The following MTMR3 variants were observed in gnomAD, a reference collection of about 807,000 sequenced individuals.
The protein encoded by MTMR3 is phosphatidylinositol-3,5-bisphosphate 3-phosphatase MTMR3.
A neutral mutation model predicts 132.4 loss-of-function variants in MTMR3; 32 were observed. The observed-to-expected ratio is 0.24, with a 90% confidence interval of 0.18 to 0.32. MTMR3 has a LOEUF of 0.32. MTMR3 is among the 10% of genes least tolerant of loss of function. The pLI is 1.00. For missense variants in MTMR3, 1,216 were observed against 1,489.6 expected, an observed-to-expected ratio of 0.82 and a Z score of 3.02; for synonymous variants, 556 against 550.3, an observed-to-expected ratio of 1.01 and a Z score of -0.14.
intron 1 of MTMR3, among the ~76,000 whole-genome samples, chr22:29,936,369 C>T (rs1390430577): frequency 6.6e-6 from 1 of 152,042 alleles, no homozygotes; most frequent in Non-Finnish European, 1.5e-5. Flanking sequence ...CTTCCTTGTT[C>T]TTATATTTGC....
At chr22:29,922,369 A>G (rs952383025) in intron 1 of MTMR3, among the ~76,000 whole-genome samples, 2 of 152,014 alleles carry the variant, frequency 1.3e-5, no homozygotes, top group Non-Finnish European at 2.9e-5. Context: ...TGTAGACTCT[A>G]CATTTTGTTT....
At chr22:29,943,754 T>G (rs1278799254) in intron 1 of MTMR3, among the ~76,000 whole-genome samples, 1 of 152,010 alleles carries the variant, frequency 6.6e-6, no homozygotes, top group Non-Finnish European at 1.5e-5. Flanking sequence ...AGTTTAGGCA[T>G]TTTGCTTCCC....
At chr22:29,955,870 G>A (rs1443389078) in intron 1 of MTMR3, among the ~76,000 whole-genome samples, 2 of 152,094 alleles carry the variant, frequency 1.3e-5, no homozygotes, top group Non-Finnish European at 2.9e-5. Context: ...TTGTGCCTCA[G>A]CCTCCTGAGT....
Position 30,026,309 on chromosome 22 carries a change from G to A in MTMR3, c.*508G>A. ...GAGGCTGGAAGCATATTCCCCAAGA[G>A]CACTGCCCTGGGCATCATCTCCCTC... On this transcript the variant is annotated 3_prime_UTR_variant, in exon 20 of 20. Coordinates refer to ENST00000401950, the MANE Select transcript of MTMR3 (RefSeq NM_021090.4). 6.3e-6 allele frequency: 1 copy of A among 158,880 alleles called. No homozygotes were observed. Among genetic ancestry groups the A allele is most frequent in the Non-Finnish European group, 1.4e-5 (1 of 71,646 alleles). The allele number at this position is 158,880 out of a possible 1,614,324, so 9.8% of individuals were successfully genotyped here.
At chr22:29,958,569 G>A (rs1313170044) in intron 2 of MTMR3, among the ~76,000 whole-genome samples, 1 of 151,932 alleles carries the variant, frequency 6.6e-6, no homozygotes, top group Non-Finnish European at 1.5e-5. Flanking sequence ...CTCCCCTCTT[G>A]TCTCAGTGGC....
chr22:29,910,998 A>G (rs965605244), intron 1 of MTMR3, among the ~76,000 whole-genome samples: 2 of 152,210 alleles, frequency 1.3e-5, no homozygotes. Context: ...TCTGCGTCCA[A>G]CACTTAATTA....
At chr22:29,947,975 T>C (rs964908879) in intron 1 of MTMR3, among the ~76,000 whole-genome samples, 2 of 152,094 alleles carry the variant, frequency 1.3e-5, no homozygotes, top group African/African-American at 2.4e-5. Context: ...AGAGCCTGCA[T>C]TGTGGTGTGT....
At chr22:29,968,200 C>T (rs1320277762) in intron 2 of MTMR3, among the ~76,000 whole-genome samples, 1 of 152,160 alleles carries the variant, frequency 6.6e-6, no homozygotes, top group East Asian at 1.9e-4. Flanking sequence ...TACATTCCTG[C>T]CGGCAGTGTA....
In MTMR3 at chr22:29,986,506, T is replaced by G. The variant is rs367785035; in HGVS notation, c.211-1974T>G. On this transcript the variant is annotated intron_variant, in intron 5 of 19. Transcript: ENST00000401950. The stretch of plus-strand genomic sequence containing the variant: ...TGATAAATTGTAGGTTTGTTTGTTT[T>G]TTTTTTTCCTTCTTAGATGCACAGG... 6.8e-4 allele frequency: 580 copies of G among 851,752 alleles called. 1 individual carries two copies. Among genetic ancestry groups the G allele is most frequent in the African/African-American group, 5.8e-3 (311 of 54,024 alleles). 52.8% of individuals were successfully genotyped at this position (851,752 alleles called of 1,614,324 possible). A position where few individuals can be genotyped will look rare whatever the true frequency, so the allele number is the denominator to read the frequency against.
At chr22:29,890,406 A>G (rs888336245) in intron 1 of MTMR3, among the ~76,000 whole-genome samples, 1 of 151,974 alleles carries the variant, frequency 6.6e-6, no homozygotes, top group Admixed American at 6.6e-5. Context: ...AATTCCAGCT[A>G]CTTGGAAGGC....
rs961547164 is a variant in MTMR3, at chr22:30,029,129, A to G, written c.*3328A>G. On this transcript the variant is annotated 3_prime_UTR_variant, in exon 20 of 20. Coordinates refer to ENST00000401950, the MANE Select transcript of MTMR3 (RefSeq NM_021090.4). Reference sequence around the variant, plus strand: ...GAATTGCCCTGAGGGAGGTGGCTGCATATGGAGAAAGGCAGTTCTCTGTGG... The same window carrying G: ...GAATTGCCCTGAGGGAGGTGGCTGCGTATGGAGAAAGGCAGTTCTCTGTGG... The G allele has an allele frequency of 6.6e-6, 1 of 152,382 alleles. No individual in the cohort carries two copies. The highest frequency in any genetic ancestry group is 2.4e-5 in the African/African-American group (1 of 41,458). The allele number at this position is 152,382 out of a possible 1,614,324, so 9.4% of individuals were successfully genotyped here.
intron 17 of MTMR3, chr22:30,021,465 CAAG>C (rs1213104877): frequency 2.1e-5 from 3 of 144,604 alleles, no homozygotes; most frequent in Admixed American, 6.7e-5. Context: ...GGGAGGTTCT[CAAG>C]GAGGTGCTTT....
At chr22:30,007,599 C>G in intron 10 of MTMR3, 1 of 559,032 alleles carries the variant, frequency 1.8e-6, no homozygotes, top group Non-Finnish European at 3.2e-6. Flanking sequence ...ATCTGCAGAC[C>G]ATGGCAGGAA....
At chr22:29,895,316 C>T (rs548212516) in intron 1 of MTMR3, among the ~76,000 whole-genome samples, 95 of 152,090 alleles carry the variant, frequency 6.2e-4, no homozygotes, top group South Asian at 1.2e-3. Context: ...GTAACTAGGC[C>T]CAAACAGATC....
chr22:29,923,713 T>A (rs1176171624), intron 1 of MTMR3, among the ~76,000 whole-genome samples: 1 of 152,166 alleles, frequency 6.6e-6, no homozygotes, highest in Non-Finnish European at 1.5e-5. Context: ...TCTTGTCTTT[T>A]AAGCACACTA....
rs777619064 is a variant in MTMR3, at chr22:29,978,945, C to T, written c.103C>T (p.Leu35Phe). 3 of 1,612,658 alleles carry T rather than the reference C, an allele frequency of 1.9e-6. No individual in the cohort carries two copies. The highest frequency in any genetic ancestry group is 3.3e-5 in the Admixed American group (2 of 59,926). ...TTCTTTCATTTCGAAGGTTCCTTTCCTTGAACTTCATGGAGAGAGCACAGA... is the reference window on the plus strand; with the variant it reads ...TTCTTTCATTTCGAAGGTTCCTTTCTTTGAACTTCATGGAGAGAGCACAGA... ...REDENLQVPF[L>F]ELHGESTEFV... The change falls in exon 5 of 20, where the codon CTT (leucine) becomes TTT (phenylalanine). Residue 35 changes from leucine to phenylalanine, a missense_variant. This residue lies in a region of MTMR3 where 81 missense variants were observed against 87.7 expected (regional missense o/e 0.92). Transcript: ENST00000401950.
chr22:29,971,119 T>C, intron 3 of MTMR3, 57 bp downstream of exon 3: 4 of 1,535,014 alleles, frequency 2.6e-6, no homozygotes, highest in South Asian at 1.2e-5. Context: ...GTCCTGACAA[T>C]TAAGTGAACA....
In MTMR3 at chr22:29,889,284, C is replaced by CTT. The variant is rs71324792; in HGVS notation, c.-138+5946_-138+5947dup. ...ATTTCTGGTTATGAAAGCTACGGAACTTTTTTTTTTTTTTTTTTTTTTAGA... is the reference window on the plus strand; with the variant it reads ...ATTTCTGGTTATGAAAGCTACGGAACTTTTTTTTTTTTTTTTTTTTTTTTAGA... On this transcript the variant is annotated intron_variant, in intron 1 of 19. Transcript: ENST00000401950. Among the ~76,000 whole-genome samples the CTT allele has an allele frequency of 9.8e-3, 1,144 of 116,322 alleles. 21 individuals are homozygous for CTT. The highest frequency in any genetic ancestry group is 0.018 in the South Asian group (59 of 3,370). 76.3% of individuals were successfully genotyped at this position (116,322 alleles called of 152,430 possible). A position where few individuals can be genotyped will look rare whatever the true frequency, so the allele number is the denominator to read the frequency against.
intron 1 of MTMR3, among the ~76,000 whole-genome samples, chr22:29,937,698 G>A (rs2065778598): frequency 6.6e-6 from 1 of 152,146 alleles, no homozygotes; most frequent in African/African-American, 2.4e-5. Context: ...TTCGTAGGGA[G>A]TATATATTCA....
Sources: allele counts gnomAD v4.1 joint callset (sites outside exome capture counted in the v4.1 genomes callset), GRCh38; gene constraint gnomAD v4.1.1; regional missense constraint gnomAD v4.1.1; transcripts MANE v1.5; gene names NCBI Gene and HGNC (gene_info 2026-07-23, HGNC 2026-07-21).